Variants in CAMKMT observed in about 807,000 individuals in gnomAD.
CAMKMT encodes CaM KMT.
A neutral mutation model predicts 48.0 loss-of-function variants in CAMKMT; 53 were observed. That is an observed-to-expected ratio of 1.10 (90% CI 0.89 to 1.39). The LOEUF (loss-of-function observed/expected upper bound fraction) is 1.39, where lower values mean the gene tolerates loss of function less well. Ranked by LOEUF, CAMKMT falls within the 40% of genes most tolerant of loss-of-function variation. CAMKMT has a pLI of 0.00. For missense variants in CAMKMT, 428 were observed against 402.7 expected, an observed-to-expected ratio of 1.06 and a Z score of -0.54; for synonymous variants, 165 against 152.3, an observed-to-expected ratio of 1.08 and a Z score of -0.61.
At chr2:44,593,665 T>G (rs6714813) in intron 3 of CAMKMT, among the ~76,000 whole-genome samples, 6,775 of 152,278 alleles carry the variant, frequency 0.044, 187 homozygotes, top group Non-Finnish European at 0.064. Context: ...ATATTTGATT[T>G]GTAGTTGTTT....
chr2:44,727,434 A>G (rs1678851026), intron 7 of CAMKMT, among the ~76,000 whole-genome samples: 1 of 152,180 alleles, frequency 6.6e-6, no homozygotes, highest in African/African-American at 2.4e-5. Flanking sequence ...CATTGTGTAA[A>G]GAAATGCTAC....
In CAMKMT at chr2:44,602,493, T is replaced by A. The variant is rs563288052; in HGVS notation, c.377-101790T>A. 3.6e-4 allele frequency among the ~76,000 whole-genome samples: 55 copies of A among 152,196 alleles called. 1 individual carries two copies. In the South Asian group the frequency reaches 0.011, roughly 30 times the overall value. ...CATTTAGATTTTACAACTAACATCT[T>A]ATTATACTTGCTATTAGTCTGTTCT... On this transcript the variant is annotated intron_variant, in intron 3 of 10. Transcript: ENST00000378494.
intron 3 of CAMKMT, among the ~76,000 whole-genome samples, chr2:44,696,045 C>T (rs972462302): frequency 1.1e-4 from 16 of 152,024 alleles, no homozygotes; most frequent in East Asian, 5.8e-4. Context: ...CAGGTTCAGG[C>T]GATTTTCCTG....
At chr2:44,665,317 C>T (rs496365) in intron 3 of CAMKMT, among the ~76,000 whole-genome samples, 16,987 of 152,122 alleles carry the variant, frequency 0.11, 1,018 homozygotes, top group South Asian at 0.17. Context: ...GTGATCCTCC[C>T]GCCTCTGCCT....
At chr2:44,621,424 G>A (rs1039335458) in intron 3 of CAMKMT, among the ~76,000 whole-genome samples, 2 of 152,120 alleles carry the variant, frequency 1.3e-5, no homozygotes, top group African/African-American at 4.8e-5. Context: ...GAAAGGGATG[G>A]GGGAGGCTGC....
chr2:44,402,259 G>A (rs541536331), intron 3 of CAMKMT, among the ~76,000 whole-genome samples: 85 of 148,632 alleles, frequency 5.7e-4, no homozygotes, highest in African/African-American at 2.1e-3. Context: ...AACCCGGGAG[G>A]CAGAGCTTGC....
intron 6 of CAMKMT, among the ~76,000 whole-genome samples, chr2:44,714,650 T>C (rs1678070454): frequency 6.6e-6 from 1 of 152,208 alleles, no homozygotes; most frequent in African/African-American, 2.4e-5. Flanking sequence ...CTCAGGAGAC[T>C]GACATTGCTC....
intron 3 of CAMKMT, among the ~76,000 whole-genome samples, chr2:44,626,580 T>G (rs1672495070): frequency 6.6e-6 from 1 of 152,206 alleles, no homozygotes; most frequent in African/African-American, 2.4e-5. Context: ...AGATTAGGTG[T>G]CTGATGAGGG....
intron 3 of CAMKMT, among the ~76,000 whole-genome samples, chr2:44,652,634 C>T (rs1674142752): frequency 1.3e-5 from 2 of 152,206 alleles, no homozygotes; most frequent in African/African-American, 2.4e-5. Context: ...CAAGCGCATG[C>T]ACACACGTGC....
intron 7 of CAMKMT, among the ~76,000 whole-genome samples, chr2:44,735,903 AAAC>A (rs1679333728): frequency 1.3e-5 from 1 of 75,630 alleles, no homozygotes; most frequent in Non-Finnish European, 3.0e-5. Context: ...GTCTCAAACA[AAAC>A]AAAACAAAAC....
At chr2:44,748,625 C>A (rs1680018226) in intron 8 of CAMKMT, among the ~76,000 whole-genome samples, 1 of 152,098 alleles carries the variant, frequency 6.6e-6, no homozygotes, top group Non-Finnish European at 1.5e-5. Flanking sequence ...GTAGTCCCAG[C>A]ACTTTGGGAG....
At chr2:44,364,818 T>C (rs1264210240) in intron 1 of CAMKMT, among the ~76,000 whole-genome samples, 1 of 152,176 alleles carries the variant, frequency 6.6e-6, no homozygotes, top group East Asian at 1.9e-4. Flanking sequence ...TCTCTAATCT[T>C]TGGACTAGTG....
intron 3 of CAMKMT, among the ~76,000 whole-genome samples, chr2:44,652,813 G>T (rs531466693): frequency 6.6e-6 from 1 of 152,312 alleles, no homozygotes; most frequent in East Asian, 1.9e-4. Flanking sequence ...CTGCAAAGCA[G>T]TGCTGGACAA....
At chr2:44,754,910 A>T (rs908402443) in intron 9 of CAMKMT, among the ~76,000 whole-genome samples, 2 of 152,116 alleles carry the variant, frequency 1.3e-5, no homozygotes, top group African/African-American at 4.8e-5. Context: ...AGTTTAAAAT[A>T]GGTTAACAGT....
At chr2:44,603,954 C>T (rs1671142976) in intron 3 of CAMKMT, among the ~76,000 whole-genome samples, 1 of 152,016 alleles carries the variant, frequency 6.6e-6, no homozygotes, top group African/African-American at 2.4e-5. Flanking sequence ...ATAAGATGGT[C>T]AAACTGAATT....
chr2:44,628,436 T>C (rs1490131532), intron 3 of CAMKMT, among the ~76,000 whole-genome samples: 1 of 152,124 alleles, frequency 6.6e-6, no homozygotes, highest in Non-Finnish European at 1.5e-5. Flanking sequence ...TTACTTGGGG[T>C]TTAATATAGA....
intron 3 of CAMKMT, among the ~76,000 whole-genome samples, chr2:44,642,735 G>T (rs2104006202): frequency 6.6e-6 from 1 of 152,178 alleles, no homozygotes; most frequent in African/African-American, 2.4e-5. Flanking sequence ...GAGTGGGGAG[G>T]GGGTGCCCTT....
chr2:44,537,646 C>T (rs772087245), intron 3 of CAMKMT, among the ~76,000 whole-genome samples: 1 of 152,072 alleles, frequency 6.6e-6, no homozygotes, highest in Non-Finnish European at 1.5e-5. Context: ...CTCACTGCAG[C>T]CTCGACCCCA....
At chr2:44,721,651 G>C (rs942579310) in intron 7 of CAMKMT, among the ~76,000 whole-genome samples, 6 of 152,120 alleles carry the variant, frequency 3.9e-5, no homozygotes, top group Non-Finnish European at 8.8e-5. Context: ...AATCATTTTA[G>C]AGTATTTTCA....
Sources: gnomAD v4.1 joint callset for allele counts (sites outside exome capture counted in the v4.1 genomes callset) on GRCh38, gnomAD v4.1.1 for gene constraint, MANE v1.5 for transcripts, NCBI Gene and HGNC (gene_info 2026-07-23, HGNC 2026-07-21) for gene names.